ITGAE: variants seen among roughly 807,000 people sequenced by gnomAD.
ITGAE encodes integrin subunit alpha E, also known as integrin alpha-E.
ITGAE carries 99 observed loss-of-function variants against 136.5 expected under a neutral mutation model. That is an observed-to-expected ratio of 0.73 (90% CI 0.62 to 0.86). The LOEUF (loss-of-function observed/expected upper bound fraction) is 0.86, where lower values mean the gene tolerates loss of function less well. Among genes scored for constraint, ITGAE ranks in the 40% least tolerant of loss-of-function variants. The probability of loss-of-function intolerance (pLI) is 0.00; values close to 1 mark genes in which losing one functional copy is unlikely to be tolerated. For synonymous variants in ITGAE, 613 were observed against 591.8 expected (o/e 1.04, Z -0.52); for missense variants, 1,447 against 1,515.3 (o/e 0.95, Z 0.75).
Position 3,751,833 on chromosome 17 carries a change from G to A in ITGAE, c.1710C>T (p.Pro570=), listed in dbSNP as rs144011498. ...FSLARILSGH[P]GFTNARFGFA... ...AGCCAAAGCGGGCATTGGTGAACCCGGGGTGCCCACTCAGTATGCGTGCCA... is the reference window on the plus strand; with the variant it reads ...AGCCAAAGCGGGCATTGGTGAACCCAGGGTGCCCACTCAGTATGCGTGCCA... The change falls in exon 15 of 31, where the codon CCC becomes CCT. Residue 570 remains proline, a synonymous_variant. Coordinates refer to ENST00000263087, the MANE Select transcript of ITGAE (RefSeq NM_002208.5). 275 of 1,613,946 alleles carry A rather than the reference G, an allele frequency of 1.7e-4. No individual in the cohort carries two copies. Among genetic ancestry groups the A allele is most frequent in the Middle Eastern group, 1.2e-3 (7 of 6,084 alleles).
At chr17:3,765,209 C>T (rs1285827867) in intron 2 of ITGAE, among the ~76,000 whole-genome samples, 4 of 151,612 alleles carry the variant, frequency 2.6e-5, no homozygotes, top group Non-Finnish European at 5.9e-5. Flanking sequence ...ATTAGCCGGG[C>T]GTGGTGGCGG....
intron 30 of ITGAE, among the ~76,000 whole-genome samples, chr17:3,716,414 C>T (rs1276408823): frequency 6.6e-6 from 1 of 152,088 alleles, no homozygotes; most frequent in African/African-American, 2.4e-5. Context: ...CACAGGTAAC[C>T]GAACATAACA....
intron 1 of ITGAE, among the ~76,000 whole-genome samples, chr17:3,789,523 T>G (rs977727864): frequency 2.7e-5 from 4 of 149,342 alleles, no homozygotes; most frequent in Non-Finnish European, 1.5e-5. Context: ...TTTTTTGAGA[T>G]GGAGTCTCGC....
At chr17:3,723,931 C>T (rs751271921) in intron 26 of ITGAE, 187 bp from the exon 27 acceptor site, 3 of 1,541,786 alleles carry the variant, frequency 1.9e-6, no homozygotes, top group South Asian at 2.4e-5. Flanking sequence ...TGGCGGGTGC[C>T]GGCCATGGCG....
chr17:3,732,567 G>A, intron 21 of ITGAE, 101 bp from the exon 22 acceptor site: 1 of 962,926 alleles, frequency 1.0e-6, no homozygotes, highest in Non-Finnish European at 1.6e-6. Flanking sequence ...TAATTTTTCT[G>A]CCTGTCAGAC....
chr17:3,732,886 C>G (rs1355319988), intron 21 of ITGAE, among the ~76,000 whole-genome samples: 1 of 152,200 alleles, frequency 6.6e-6, no homozygotes, highest in Non-Finnish European at 1.5e-5. Flanking sequence ...CACCTGGACC[C>G]CCGAGGGGCA....
In ITGAE at chr17:3,798,473, C is replaced by T. The variant is rs544274748; in HGVS notation, c.34+2638G>A. 3.8e-4 allele frequency among the ~76,000 whole-genome samples: 58 copies of T among 152,134 alleles called. No individual in the cohort carries two copies. The highest frequency in any genetic ancestry group is 6.5e-4 in the Non-Finnish European group (44 of 68,008). On this transcript the variant is annotated intron_variant, in intron 1 of 30. Transcript: ENST00000263087. This position sits in a 1 kb window ranked among gnomAD's most constrained non-coding sequence, Gnocchi z 4.3. Reference sequence around the variant, plus strand: ...CCCCAGGGCTTGGTCCCTCCTATCCCCCCTGCACAGAAGGCCCCTCTGCTC... The same window carrying T: ...CCCCAGGGCTTGGTCCCTCCTATCCTCCCTGCACAGAAGGCCCCTCTGCTC...
intron 1 of ITGAE, among the ~76,000 whole-genome samples, chr17:3,789,799 C>T (rs1256466372): frequency 1.3e-5 from 2 of 152,090 alleles, no homozygotes; most frequent in Admixed American, 1.3e-4. Flanking sequence ...CCTCACCCAG[C>T]CTTAAATTTA....
At chr17:3,766,153 G>A (rs779280017) in intron 2 of ITGAE, among the ~76,000 whole-genome samples, 8 of 152,146 alleles carry the variant, frequency 5.3e-5, no homozygotes, top group Non-Finnish European at 1.0e-4. Context: ...AGGGACTCAG[G>A]GGGACGTTGA....
chr17:3,761,559 C>T (rs770184383), intron 4 of ITGAE, 39 bp from the exon 5 acceptor site: 2 of 1,542,880 alleles, frequency 1.3e-6, no homozygotes, highest in Non-Finnish European at 1.8e-6. Context: ...CACCAGGTCA[C>T]CTCCCGATTC....
At chr17:3,775,555 G>A (rs1238750001) in intron 2 of ITGAE, among the ~76,000 whole-genome samples, 1 of 151,958 alleles carries the variant, frequency 6.6e-6, no homozygotes, top group Non-Finnish European at 1.5e-5. Flanking sequence ...CACCTCCTGG[G>A]TTCAAGCAAT....
intron 1 of ITGAE, among the ~76,000 whole-genome samples, chr17:3,791,439 T>C (rs577057292): frequency 8.6e-5 from 13 of 152,036 alleles, no homozygotes; most frequent in African/African-American, 2.9e-4. Context: ...TGTGCCAACA[T>C]GCCTGGCTAA....
intron 20 of ITGAE, chr17:3,738,800 C>T (rs115840350): frequency 0.01 from 1,578 of 152,536 alleles, 27 homozygotes; most frequent in African/African-American, 0.036. Context: ...GCACGTGCTA[C>T]GTATGAGCTG....
At chr17:3,744,772 C>CA (rs2051673704) in intron 18 of ITGAE, among the ~76,000 whole-genome samples, 1 of 152,110 alleles carries the variant, frequency 6.6e-6, no homozygotes, top group African/African-American at 2.4e-5. Context: ...CTCAAAGCAA[C>CA]ATGGAGGACA....
intron 26 of ITGAE, chr17:3,724,956 A>T: frequency 1.2e-6 from 2 of 1,614,152 alleles, no homozygotes; most frequent in South Asian, 2.2e-5. Context: ...CCGGAAGAGC[A>T]AACATCAGGA....
At chr17:3,794,926 AC>A (rs146853508) in intron 1 of ITGAE, among the ~76,000 whole-genome samples, 1 of 149,742 alleles carries the variant, frequency 6.7e-6, no homozygotes, top group African/African-American at 2.5e-5. Flanking sequence ...CGTCCGTGGC[AC>A]CCCCCCGCTC....
intron 2 of ITGAE, among the ~76,000 whole-genome samples, chr17:3,776,206 T>C (rs960918709): frequency 6.6e-6 from 1 of 151,620 alleles, no homozygotes; most frequent in Non-Finnish European, 1.5e-5. Flanking sequence ...TACGCGCGTG[T>C]ACCACCACGC....
intron 15 of ITGAE, among the ~76,000 whole-genome samples, chr17:3,750,735 G>A (rs2051845531): frequency 6.6e-6 from 1 of 152,002 alleles, no homozygotes; most frequent in East Asian, 1.9e-4. Context: ...AGGGCCTTCT[G>A]AGAAGCAGCC....
rs768907270 is a variant in ITGAE at position 3,724,365 on chromosome 17, G to C, written c.3085-621C>G. 25 of 1,603,548 alleles carry C rather than the reference G, an allele frequency of 1.6e-5. No individual in the cohort carries two copies. The highest frequency in any genetic ancestry group is 1.6e-4 in the Middle Eastern group (1 of 6,072). ...TCCGCCCTTCCCCAGCCGCGACTCCGGCCGCCTCAGCCCGGACCTCAGCGT... is the reference window on the plus strand; with the variant it reads ...TCCGCCCTTCCCCAGCCGCGACTCCCGCCGCCTCAGCCCGGACCTCAGCGT... On this transcript the variant is annotated intron_variant, in intron 26 of 30. Transcript: ENST00000263087.
Sources: allele counts gnomAD v4.1 joint callset (sites outside exome capture counted in the v4.1 genomes callset), GRCh38; gene constraint gnomAD v4.1.1; non-coding constraint Gnocchi (gnomAD v3.1); transcripts MANE v1.5; gene names NCBI Gene and HGNC (gene_info 2026-07-23, HGNC 2026-07-21).